RENBP: variants seen among roughly 807,000 people sequenced by gnomAD.
RENBP encodes N-acylglucosamine 2-epimerase.
Under a neutral mutation model 37.8 loss-of-function variants are expected in RENBP, and 16 were observed. That is an observed-to-expected ratio of 0.42 (90% confidence interval 0.29 to 0.64). The LOEUF is 0.64. Ranked by LOEUF, RENBP falls within the 30% of genes least tolerant of loss-of-function variation. RENBP has a pLI of 0.19. For missense variants in RENBP, 347 were observed against 379.5 expected, an observed-to-expected ratio of 0.91 and a Z score of 0.71; for synonymous variants, 170 against 154.8, an observed-to-expected ratio of 1.10 and a Z score of -0.73.
Position 153,938,520 on chromosome X carries a change from C to T in RENBP, c.1077+1582G>A, listed in dbSNP as rs1416872842. Among the ~76,000 whole-genome samples the T allele has an allele frequency of 5.4e-5, 6 of 112,018 alleles. No homozygotes were observed. In the South Asian group the frequency reaches 1.8e-3, roughly 34 times the overall value. ...ATGATGAATCTTCATTCATTCACCA[C>T]CCAGGCCTTGCCACCACTGGGTGCC... On this transcript the variant is annotated intron_variant, in intron 9 of 10. Transcript: ENST00000393700.
chrX:153,942,224 G>GTT, intron 6 of RENBP, 193 bp from the exon 7 acceptor site: 3 of 175,983 alleles, frequency 1.7e-5, no homozygotes, highest in East Asian at 1.0e-4. Context: ...GGCCTAGCAA[G>GTT]TTGTTGTTTT....
intron 6 of RENBP, 180 bp downstream of exon 6, chrX:153,942,675 C>T (rs2065232350): frequency 2.2e-6 from 1 of 453,611 alleles, no homozygotes; most frequent in Non-Finnish European, 3.8e-6. Context: ...GGAGGGGTCT[C>T]CTTCTGTCAG....
intron 9 of RENBP, among the ~76,000 whole-genome samples, chrX:153,937,768 A>G (rs1267480123): frequency 9.0e-6 from 1 of 110,556 alleles, no homozygotes; most frequent in Non-Finnish European, 1.9e-5. Flanking sequence ...AATTTTTTGT[A>G]TTTTTAATAG....
At chrX:153,939,440 G>T (rs782341469) in intron 9 of RENBP, among the ~76,000 whole-genome samples, 1 of 111,791 alleles carries the variant, frequency 8.9e-6, no homozygotes, top group Admixed American at 9.4e-5. Context: ...AGATCTCTCC[G>T]TCTGAACTGG....
chrX:153,943,198 C>A, intron 5 of RENBP, 119 bp from the exon 6 acceptor site: 1 of 558,378 alleles, frequency 1.8e-6, no homozygotes, highest in Non-Finnish European at 2.8e-6. Context: ...ACACCTTCAT[C>A]CAGGGCCTAC....
In RENBP at chrX:153,944,447, C is replaced by G. The variant is rs781800509; in HGVS notation, c.28-29G>C. 3 of 1,179,545 alleles carry G rather than the reference C, an allele frequency of 2.5e-6. No homozygotes were observed. In the African/African-American group the frequency reaches 5.4e-5, roughly 21 times the overall value. On this transcript the variant is annotated intron_variant, in intron 1 of 10. Transcript: ENST00000393700. ...GGGGAAATGGGGCTTGAAGGCGCAG[C>G]CCCCACATGGGACCTAGGCCCCCCC... is the stretch of plus-strand genomic sequence containing the variant.
intron 9 of RENBP, among the ~76,000 whole-genome samples, chrX:153,938,461 A>G (rs1182298271): frequency 2.7e-5 from 3 of 112,561 alleles, no homozygotes; most frequent in African/African-American, 9.7e-5. Flanking sequence ...ACCAGGGTTC[A>G]CCAGTGGAGT....
At chrX:153,942,068 CCCTTTCA>C (rs1477589716) in intron 6 of RENBP, 37 bp from the exon 7 acceptor site, 1 of 1,071,406 alleles carries the variant, frequency 9.3e-7, no homozygotes, top group Non-Finnish European at 1.3e-6. Context: ...TTGCCTCCAG[CCCTTTCA>C]CCCACCCAGC....
Position 153,943,468 on chromosome X carries a change from G to A in RENBP, c.462+78C>T, listed in dbSNP as rs10429768. The A allele has an allele frequency of 7.1e-3, 7,279 of 1,018,582 alleles. 301 individuals carry two copies. The African/African-American group carries it at 0.12, about 16-fold the overall frequency. The allele number at this position is 1,018,582 out of a possible 1,213,427, so 83.9% of individuals were successfully genotyped here. On this transcript the variant is annotated intron_variant, in intron 5 of 10. Coordinates refer to ENST00000393700, the MANE Select transcript of RENBP (RefSeq NM_002910.6). ...GATGGGTCCATGGGAGGGGACTTGC[G>A]TAGTGAGTGGGAATGCATCAGGTGG...
In RENBP at chrX:153,941,673, G is replaced by A. The variant is rs782175492; in HGVS notation, c.770-20C>T. 28 of 328,883 alleles carry A rather than the reference G, an allele frequency of 8.5e-5. No homozygotes were observed. The highest frequency in any genetic ancestry group is 7.5e-4 in the Admixed American group (18 of 23,927). 27.1% of individuals were successfully genotyped at this position (328,883 alleles called of 1,213,427 possible). A position where few individuals can be genotyped will look rare whatever the true frequency, so the allele number is the denominator to read the frequency against. ...TGTGGCCTGGTGAGGGGTGGAGTACGGAAGGGCGGGGGGCGGGGGGTGGGG... is the reference window on the plus strand; with the variant it reads ...TGTGGCCTGGTGAGGGGTGGAGTACAGAAGGGCGGGGGGCGGGGGGTGGGG... On this transcript the variant is annotated intron_variant, in intron 7 of 10. Coordinates refer to ENST00000393700, the MANE Select transcript of RENBP (RefSeq NM_002910.6).
intron 9 of RENBP, among the ~76,000 whole-genome samples, chrX:153,939,863 C>T (rs1557109205): frequency 9.2e-6 from 1 of 108,963 alleles, no homozygotes; most frequent in Non-Finnish European, 1.9e-5. Flanking sequence ...CCACAGCTGT[C>T]ACTCTCACCA....
At chrX:153,942,823 C>G (rs1043093164) in intron 6 of RENBP, 32 bp downstream of exon 6, 2 of 1,077,314 alleles carry the variant, frequency 1.9e-6, no homozygotes, top group Non-Finnish European at 2.6e-6. Flanking sequence ...TGGAAGGCCT[C>G]CCACCACCCC....
intron 5 of RENBP, 49 bp from the exon 6 acceptor site, chrX:153,943,128 T>G: frequency 1.0e-6 from 1 of 954,754 alleles, no homozygotes; most frequent in Non-Finnish European, 1.4e-6. Context: ...CTACATCCTG[T>G]GCCATCCCCC....
rs782220053 is a variant in RENBP at position 153,943,554 on chromosome X, G to T, written c.454C>A (p.Arg152=). The stretch of plus-strand genomic sequence containing the variant: ...ACCCTCCTCTCACACACCTGGTACC[G>T]CACTTCCCCTGTGGCTCTCCACAGC... ...NELWRATGEV[R]YQTEAVEMMD... is the part of the protein sequence containing the mutation. The change falls in exon 5 of 11, where the codon CGG becomes AGG. Residue 152 remains arginine, a synonymous_variant. Coordinates refer to ENST00000393700, the MANE Select transcript of RENBP (RefSeq NM_002910.6). 1.7e-6 allele frequency: 2 copies of T among 1,207,790 alleles called. No homozygotes were observed. Among genetic ancestry groups the T allele is most frequent in the East Asian group, 5.9e-5 (2 of 33,783 alleles).
At chrX:153,935,598 C>A (rs913977166) in intron 9 of RENBP, 22 bp from the exon 10 acceptor site, 2 of 1,166,871 alleles carry the variant, frequency 1.7e-6, no homozygotes, top group Non-Finnish European at 2.3e-6. Context: ...GAGACAGTGA[C>A]AGCTAGCGCC....
chrX:153,935,647 G>A (rs1232668337), intron 9 of RENBP, 71 bp from the exon 10 acceptor site: 1 of 901,142 alleles, frequency 1.1e-6, no homozygotes, highest in African/African-American at 1.9e-5. Flanking sequence ...CGCTACCAGG[G>A]GTCAGAGCCT....
rs781921989 is a variant in RENBP at position 153,941,595 on chromosome X, G to A, written c.828C>T (p.Pro276=). The change falls in exon 8 of 11, where the codon CCC becomes CCT. Residue 276 remains proline, a synonymous_variant. Transcript: ENST00000393700. Reference sequence around the variant, plus strand: ...TGTCAATCACGTGGGCTCGAAGTTCGGGGTCGCCTTTCCGAATGCAATGAC... The same window carrying A: ...TGTCAATCACGTGGGCTCGAAGTTCAGGGTCGCCTTTCCGAATGCAATGAC... ...LLRHCIRKGD[P]ELRAHVIDKF... 2.6e-5 allele frequency: 31 copies of A among 1,204,315 alleles called. No homozygotes were observed. The highest frequency in any genetic ancestry group is 6.6e-5 in the Admixed American group (3 of 45,120).
In RENBP at chrX:153,943,654, C is replaced by A; in HGVS notation, c.354G>T (p.Leu118=). The A allele has an allele frequency of 4.1e-6, 5 of 1,211,681 alleles. No homozygotes were observed. Among genetic ancestry groups the A allele is most frequent in the Non-Finnish European group, 5.6e-6 (5 of 895,513 alleles). The change falls in exon 5 of 11, where the codon CTG becomes CTT. Residue 118 remains leucine, a synonymous_variant. Coordinates refer to ENST00000393700, the MANE Select transcript of RENBP (RefSeq NM_002910.6). ...CCTTGACCGGGCGGCCGTCCCGAGT[C>A]AGCACAAAGGCACACTTCTTGCCAG... ...APPGKKCAFV[L]TRDGRPVKVQ... is the part of the protein sequence containing the mutation.
chrX:153,944,536 C>T, intron 1 of RENBP, 48 bp downstream of exon 1: 1 of 1,174,725 alleles, frequency 8.5e-7, no homozygotes, highest in South Asian at 1.9e-5. Context: ...CGTCACCATC[C>T]CCGGGACCCT....
Sources: allele counts gnomAD v4.1 joint callset (sites outside exome capture counted in the v4.1 genomes callset), GRCh38; gene constraint gnomAD v4.1.1; transcripts MANE v1.5; gene names NCBI Gene and HGNC (gene_info 2026-07-23, HGNC 2026-07-21).